The following CRHR1 variants were observed in gnomAD, a reference collection of about 807,000 sequenced individuals.
CRHR1 encodes the protein corticotropin-releasing hormone receptor 1.
CRHR1 carries 28 observed loss-of-function variants against 56.0 expected under a neutral mutation model. The ratio of observed to expected loss-of-function variants is 0.50; its 90% CI spans 0.37 to 0.69. CRHR1 has a LOEUF of 0.69. CRHR1 is among the 30% of genes least tolerant of loss of function. The probability of loss-of-function intolerance (pLI) is 0.00; values close to 1 mark genes in which losing one functional copy is unlikely to be tolerated. For missense variants in CRHR1, 376 were observed against 548.0 expected (o/e 0.69, Z 3.13); for synonymous variants, 195 against 216.5 (o/e 0.90, Z 0.87).
chr17:45,833,693 T>TGGGGGGGCCCCCCC, intron 10 of CRHR1, 21 bp from the exon 11 acceptor site: 9 of 1,571,542 alleles, frequency 5.7e-6, no homozygotes, highest in Non-Finnish European at 7.8e-6. Flanking sequence ...ACTCCGAGCC[T>TGGGGGGGCCCCCCC]CCCCACCCGC....
chr17:45,831,734 G>A (rs956784949), intron 8 of CRHR1, among the ~76,000 whole-genome samples: 1 of 152,176 alleles, frequency 6.6e-6, no homozygotes, highest in African/African-American at 2.4e-5. Flanking sequence ...AGAAAAGGTG[G>A]ACATGGATGG....
At chr17:45,813,415 C>A (rs187467922) in intron 2 of CRHR1, among the ~76,000 whole-genome samples, 211 of 151,896 alleles carry the variant, frequency 1.4e-3, no homozygotes, top group African/African-American at 4.2e-3. Flanking sequence ...CCTCCCCGTT[C>A]TTGCAGCCTC....
chr17:45,835,044 G>A lies in CRHR1; in HGVS notation c.*280G>A. ...AGGGACATGGGAATGAATTGAAATG[G>A]GGCGCTGGACACCTACAGCAGCACG... is the stretch of plus-strand genomic sequence containing the variant. On this transcript the variant is annotated 3_prime_UTR_variant, in exon 13 of 13. Coordinates refer to ENST00000314537, the MANE Select transcript of CRHR1 (RefSeq NM_004382.5). 1 of 506,112 alleles carries A rather than the reference G, an allele frequency of 2.0e-6. No individual in the cohort carries two copies. The highest frequency in any genetic ancestry group is 3.2e-5 in the South Asian group (1 of 31,480). The allele number at this position is 506,112 out of a possible 1,614,324, so 31.4% of individuals were successfully genotyped here.
intron 2 of CRHR1, among the ~76,000 whole-genome samples, chr17:45,814,077 C>T (rs1056435301): frequency 8.5e-5 from 13 of 152,194 alleles, no homozygotes; most frequent in Admixed American, 2.0e-4. Context: ...GAAAGCAAGG[C>T]GCAAGAAGAC....
chr17:45,831,409 C>G (rs1325718872), intron 8 of CRHR1, among the ~76,000 whole-genome samples: 1 of 152,166 alleles, frequency 6.6e-6, no homozygotes. Context: ...ATAAAAGAGT[C>G]CATGAATTTA....
At chr17:45,824,647 A>T (rs1387427484) in intron 4 of CRHR1, among the ~76,000 whole-genome samples, 1 of 152,198 alleles carries the variant, frequency 6.6e-6, no homozygotes, top group African/African-American at 2.4e-5. Flanking sequence ...CGGTCTCATC[A>T]GCCCCCTCTT....
chr17:45,833,710 C>A lies in CRHR1; in HGVS notation c.930-4C>A. On this transcript the variant is annotated splice_region_variant and splice_polypyrimidine_tract_variant and intron_variant, in intron 10 of 12. Coordinates refer to ENST00000314537, the MANE Select transcript of CRHR1 (RefSeq NM_004382.5). ...TCCGAGCCTCCCCACCCGCCCCACC[C>A]CAGGAAGGCTGTGAAAGCCACTCTG... 4 of 1,609,280 alleles carry A rather than the reference C, an allele frequency of 2.5e-6. No homozygotes were observed. Among genetic ancestry groups the A allele is most frequent in the South Asian group, 1.1e-5 (1 of 90,892 alleles).
chr17:45,829,773 T>A, intron 5 of CRHR1: 1 of 1,031,690 alleles, frequency 9.7e-7, no homozygotes. Context: ...TGACTGTCCA[T>A]CCTGGAATGG....
At chr17:45,797,505 C>T (rs2061543950) in intron 1 of CRHR1, among the ~76,000 whole-genome samples, 1 of 151,894 alleles carries the variant, frequency 6.6e-6, no homozygotes, top group Non-Finnish European at 1.5e-5. Context: ...GTCTCAATCT[C>T]CTGACCTCAT....
intron 3 of CRHR1, among the ~76,000 whole-genome samples, chr17:45,819,674 A>C (rs1031366405): frequency 6.6e-6 from 1 of 152,172 alleles, no homozygotes; most frequent in Admixed American, 6.5e-5. Context: ...GAGAATCAGC[A>C]GCCTCTTCAC....
chr17:45,830,898 T>C lies in CRHR1; in HGVS notation c.728T>C (p.Ile243Thr), dbSNP rs764666289. The C allele has an allele frequency of 8.7e-6, 14 of 1,613,860 alleles. No homozygotes were observed. The highest frequency in any genetic ancestry group is 1.1e-5 in the Non-Finnish European group (13 of 1,179,878). ...CCCCCAGGTGTGCCCTTCCCCATCA[T>C]TGTGGCCTGGGCCATTGGGAAGCTG... is the stretch of plus-strand genomic sequence containing the variant. The part of the protein sequence containing the change: ...CIGWGVPFPI[I>T]VAWAIGKLYY... The change falls in exon 8 of 13, where the codon ATT becomes ACT. Residue 243 changes from isoleucine to threonine, a missense_variant. This residue lies in a region of CRHR1 where 369 missense variants were observed against 519.5 expected (regional missense o/e 0.71). Coordinates refer to ENST00000314537, the MANE Select transcript of CRHR1 (RefSeq NM_004382.5).
At chr17:45,786,464 A>G (rs2061338106) in intron 1 of CRHR1, among the ~76,000 whole-genome samples, 2 of 152,164 alleles carry the variant, frequency 1.3e-5, no homozygotes, top group African/African-American at 4.8e-5. Flanking sequence ...CTTTGCAAAT[A>G]TTAAGTCATT....
chr17:45,786,164 A>G (rs983867688), intron 1 of CRHR1, among the ~76,000 whole-genome samples: 1 of 150,678 alleles, frequency 6.6e-6, no homozygotes, highest in Non-Finnish European at 1.5e-5. Flanking sequence ...AAATAGATCA[A>G]TGTTCTTTTT....
At chr17:45,830,381 C>T (rs1162919069) in intron 6 of CRHR1, 36 bp from the exon 7 acceptor site, 1 of 1,590,108 alleles carries the variant, frequency 6.3e-7, no homozygotes, top group Non-Finnish European at 8.6e-7. Flanking sequence ...CTCCCCTGCC[C>T]CCCATCATCA....
chr17:45,828,020 C>T (rs1037660408), intron 4 of CRHR1: 3 of 152,208 alleles, frequency 2.0e-5, no homozygotes, highest in African/African-American at 7.2e-5. Context: ...AGCCTAGAAA[C>T]GGGGAGGAAG....
intron 4 of CRHR1, among the ~76,000 whole-genome samples, chr17:45,822,745 G>A (rs910038873): frequency 2.6e-5 from 4 of 152,104 alleles, no homozygotes; most frequent in Non-Finnish European, 5.9e-5. Flanking sequence ...CAGCTACACG[G>A]GAGGCTGAGG....
chr17:45,825,696 TC>T (rs2062146735), intron 4 of CRHR1: 1 of 154,220 alleles, frequency 6.5e-6, no homozygotes, highest in East Asian at 1.9e-4. Context: ...CATTCCACTT[TC>T]CTCAAGATCT....
chr17:45,803,742 TTGAG>T (rs1234434482), intron 1 of CRHR1, among the ~76,000 whole-genome samples: 1 of 140,242 alleles, frequency 7.1e-6, no homozygotes, highest in East Asian at 2.3e-4. Context: ...GAGCCCTAGT[TTGAG>T]AGAGAGAGTG....
chr17:45,789,023 A>G (rs1555647783), intron 1 of CRHR1, among the ~76,000 whole-genome samples: 1 of 152,154 alleles, frequency 6.6e-6, no homozygotes, highest in Non-Finnish European at 1.5e-5. Context: ...AAAAGAGAAA[A>G]CAACACACAA....
Sources: allele counts gnomAD v4.1 joint callset (sites outside exome capture counted in the v4.1 genomes callset), GRCh38; gene constraint gnomAD v4.1.1; regional missense constraint gnomAD v4.1.1; transcripts MANE v1.5; gene names NCBI Gene and HGNC (gene_info 2026-07-23, HGNC 2026-07-21).